PRKN: variants seen among roughly 807,000 people sequenced by gnomAD.
The protein encoded by PRKN is E3 ubiquitin-protein ligase parkin.
A neutral mutation model predicts 59.5 loss-of-function variants in PRKN; 56 were observed. That is an observed-to-expected ratio of 0.94 (90% CI 0.76 to 1.18). The LOEUF is 1.18. Ranked by LOEUF, PRKN falls within the 50% of genes most tolerant of loss-of-function variation. PRKN has a pLI of 0.00. For synonymous variants in PRKN, 250 were observed against 222.1 expected (o/e 1.13, Z -1.12); for missense variants, 657 against 596.4 (o/e 1.10, Z -1.06).
chr6:161,994,786 A>G (rs1338466811), intron 5 of PRKN, among the ~76,000 whole-genome samples: 1 of 152,178 alleles, frequency 6.6e-6, no homozygotes, highest in African/African-American at 2.4e-5. Flanking sequence ...GGAAAACTAC[A>G]AAACACTGAT....
At chr6:161,824,520 TGC>T (rs1418062175) in intron 6 of PRKN, among the ~76,000 whole-genome samples, 2 of 152,208 alleles carry the variant, frequency 1.3e-5, no homozygotes, top group African/African-American at 2.4e-5. Context: ...GTTATGAAGT[TGC>T]GTGATTTATA....
intron 7 of PRKN, among the ~76,000 whole-genome samples, chr6:161,629,315 C>T (rs571713272): frequency 1.3e-5 from 2 of 152,286 alleles, no homozygotes; most frequent in South Asian, 4.1e-4. Flanking sequence ...CAGAATCTAA[C>T]TGAGAAGCAA....
intron 1 of PRKN, among the ~76,000 whole-genome samples, chr6:162,610,684 T>C (rs777000166): frequency 6.6e-6 from 1 of 152,100 alleles, no homozygotes; most frequent in Non-Finnish European, 1.5e-5. Context: ...AGCAAAATAA[T>C]AGTAAATTTT....
At chr6:162,137,846 T>G (rs1056691068) in intron 4 of PRKN, among the ~76,000 whole-genome samples, 1 of 152,150 alleles carries the variant, frequency 6.6e-6, no homozygotes, top group African/African-American at 2.4e-5. Context: ...GGCAATTAAA[T>G]TTCAACATGA....
At chr6:162,190,818 T>C (rs1784246746) in intron 4 of PRKN, among the ~76,000 whole-genome samples, 1 of 152,224 alleles carries the variant, frequency 6.6e-6, no homozygotes, top group Non-Finnish European at 1.5e-5. Flanking sequence ...ATTCTATTTA[T>C]GTTTCCCCAG....
chr6:162,483,310 C>T (rs73035871), intron 1 of PRKN, among the ~76,000 whole-genome samples: 25 of 152,068 alleles, frequency 1.6e-4, no homozygotes, highest in African/African-American at 2.7e-4. Context: ...TGGGGAGTTG[C>T]GATTGTTTTG....
chr6:162,680,258 CATATATACTTA>C (rs1221913679), intron 1 of PRKN, among the ~76,000 whole-genome samples: 1 of 150,402 alleles, frequency 6.6e-6, no homozygotes, highest in Middle Eastern at 3.5e-3. Flanking sequence ...TATACAGATA[CATATATACTTA>C]ATATATACTT....
Position 162,599,307 on chromosome 6 carries a change from T to C in PRKN, c.7+128355A>G, listed in dbSNP as rs145420621. On this transcript the variant is annotated intron_variant, in intron 1 of 11. Transcript: ENST00000366898. Reference sequence around the variant, plus strand: ...TGGCTAGTCCCGGCAACCAGTAGGCTTGAAAGCTGTGCCCTCAAAAGGCTG... The same window carrying C: ...TGGCTAGTCCCGGCAACCAGTAGGCCTGAAAGCTGTGCCCTCAAAAGGCTG... Among the ~76,000 whole-genome samples, 448 of 152,228 alleles carry C rather than the reference T, an allele frequency of 2.9e-3. 9 individuals are homozygous for C. The highest frequency in any genetic ancestry group is 0.027 in the Admixed American group (412 of 15,268).
At chr6:161,701,502 A>G (rs1270785941) in intron 7 of PRKN, among the ~76,000 whole-genome samples, 1 of 152,212 alleles carries the variant, frequency 6.6e-6, no homozygotes, top group African/African-American at 2.4e-5. Flanking sequence ...TATAAATTTA[A>G]AAGTAACCAT....
At chr6:162,105,407 A>G (rs905452757) in intron 4 of PRKN, among the ~76,000 whole-genome samples, 4 of 152,124 alleles carry the variant, frequency 2.6e-5, no homozygotes, top group Non-Finnish European at 5.9e-5. Context: ...TAAATAAAAT[A>G]TTCATTTTTT....
At chr6:162,219,180 G>C (rs1479387643) in intron 3 of PRKN, among the ~76,000 whole-genome samples, 1 of 152,120 alleles carries the variant, frequency 6.6e-6, no homozygotes, top group Non-Finnish European at 1.5e-5. Context: ...AACAGAGAGA[G>C]TTCTTGCCCA....
intron 9 of PRKN, among the ~76,000 whole-genome samples, chr6:161,441,171 G>A (rs1789202204): frequency 6.6e-6 from 1 of 152,210 alleles, no homozygotes; most frequent in Admixed American, 6.5e-5. Flanking sequence ...GGAGGAGCAG[G>A]AGAGAACCTG....
At chr6:161,590,717 C>T (rs2128140724) in intron 7 of PRKN, among the ~76,000 whole-genome samples, 1 of 145,646 alleles carries the variant, frequency 6.9e-6, no homozygotes, top group East Asian at 2.1e-4. Context: ...TGGGTGACGA[C>T]AGAGTGAGAC....
intron 7 of PRKN, among the ~76,000 whole-genome samples, chr6:161,717,572 G>A (rs1410813844): frequency 6.6e-6 from 1 of 152,092 alleles, no homozygotes; most frequent in East Asian, 1.9e-4. Flanking sequence ...GGAGATGGTG[G>A]GGCGGTAGAG....
chr6:162,223,502 T>A (rs1216995316), intron 3 of PRKN, among the ~76,000 whole-genome samples: 1 of 144,444 alleles, frequency 6.9e-6, no homozygotes, highest in African/African-American at 2.7e-5. Context: ...AAAATTAAAT[T>A]GGGATGAAGA....
At chr6:162,335,568 C>A (rs1213894385) in intron 2 of PRKN, among the ~76,000 whole-genome samples, 24 of 152,084 alleles carry the variant, frequency 1.6e-4, no homozygotes. Context: ...GTTAAATCAC[C>A]ACCATTTTCT....
At chr6:161,504,990 T>C (rs969054182) in intron 9 of PRKN, among the ~76,000 whole-genome samples, 6 of 149,546 alleles carry the variant, frequency 4.0e-5, no homozygotes, top group Non-Finnish European at 7.4e-5. Context: ...AACATACGTG[T>C]GCATGTGTCT....
intron 9 of PRKN, among the ~76,000 whole-genome samples, chr6:161,505,238 C>T (rs1187347603): frequency 6.6e-6 from 1 of 152,116 alleles, no homozygotes; most frequent in Admixed American, 6.5e-5. Context: ...GAGATGATAT[C>T]TCATTGTGGT....
intron 7 of PRKN, among the ~76,000 whole-genome samples, chr6:161,774,409 CACACACACACACACACACACA>C (rs1789832158): frequency 6.6e-6 from 1 of 151,630 alleles, no homozygotes. Flanking sequence ...CACACACACA[CACACACACACACACACACACA>C]CACGGCGTGG....
Sources: gnomAD v4.1 joint callset for allele counts (sites outside exome capture counted in the v4.1 genomes callset) on GRCh38, gnomAD v4.1.1 for gene constraint, MANE v1.5 for transcripts, NCBI Gene and HGNC (gene_info 2026-07-23, HGNC 2026-07-21) for gene names.